Variants in XXYLT1 observed in about 807,000 individuals in gnomAD.
XXYLT1 encodes the protein xyloside xylosyltransferase 1.
A neutral mutation model predicts 28.9 loss-of-function variants in XXYLT1; 20 were observed. The ratio of observed to expected loss-of-function variants is 0.69; its 90% CI spans 0.49 to 1.00. XXYLT1 has a LOEUF of 1.00. XXYLT1 is among the 50% of genes least tolerant of loss of function. The pLI is 0.00. For missense variants in XXYLT1, 542 were observed against 560.1 expected (o/e 0.97, Z 0.33); for synonymous variants, 257 against 253.8 (o/e 1.01, Z -0.12).
At chr3:195,225,541 A>C (rs1456201067) in intron 2 of XXYLT1, among the ~76,000 whole-genome samples, 2 of 152,174 alleles carry the variant, frequency 1.3e-5, no homozygotes, top group African/African-American at 4.8e-5. Flanking sequence ...CCTGGTCTGG[A>C]AACTGCTGGA....
rs141602919 is a variant in XXYLT1, at chr3:195,250,474, G to T, written c.504+20081C>A. Among the ~76,000 whole-genome samples the T allele has an allele frequency of 5.0e-3, 762 of 151,294 alleles. 5 individuals carry two copies. The highest frequency in any genetic ancestry group is 0.018 in the African/African-American group (723 of 41,218). On this transcript the variant is annotated intron_variant, in intron 1 of 3. Transcript: ENST00000310380. Reference sequence around the variant, plus strand: ...AGCTACTTGGGAGGCTGAGGCCAGAGAATCACTTGAACCCAGGAGGCAGAG... The same window carrying T: ...AGCTACTTGGGAGGCTGAGGCCAGATAATCACTTGAACCCAGGAGGCAGAG...
rs116599681 is a variant in XXYLT1 at position 195,260,705 on chromosome 3, G to A, written c.504+9850C>T. Among the ~76,000 whole-genome samples the A allele has an allele frequency of 8.1e-3, 1,227 of 152,334 alleles. 24 individuals are homozygous for A. The highest frequency in any genetic ancestry group is 0.028 in the African/African-American group (1,176 of 41,560). Reference sequence around the variant, plus strand: ...CTATCACCTCCCTCAAACAGCAGAGGAGGTGCCTGGCTGCTTCTAAAGGCA... The same window carrying A: ...CTATCACCTCCCTCAAACAGCAGAGAAGGTGCCTGGCTGCTTCTAAAGGCA... On this transcript the variant is annotated intron_variant, in intron 1 of 3. Coordinates refer to ENST00000310380, the MANE Select transcript of XXYLT1 (RefSeq NM_152531.5).
chr3:195,147,463 G>C (rs938870079), intron 3 of XXYLT1, among the ~76,000 whole-genome samples: 5 of 152,156 alleles, frequency 3.3e-5, no homozygotes, highest in African/African-American at 1.2e-4. Flanking sequence ...TCAGCTACTT[G>C]GGAGGCTGAG....
At chr3:195,135,664 G>A (rs1297831471) in intron 3 of XXYLT1, among the ~76,000 whole-genome samples, 1 of 152,172 alleles carries the variant, frequency 6.6e-6, no homozygotes, top group Non-Finnish European at 1.5e-5. Flanking sequence ...AGCAGGATGG[G>A]GTTCCTGTGA....
rs1714692400 is a variant in XXYLT1, at chr3:195,069,811, G to T, written c.1086C>A (p.Asp362Glu). 5 of 1,614,060 alleles carry T rather than the reference G, an allele frequency of 3.1e-6. No individual in the cohort carries two copies. Among genetic ancestry groups the T allele is most frequent in the Admixed American group, 1.7e-5 (1 of 60,008 alleles). Residue 362 changes from aspartate to glutamate, a missense_variant, in exon 4 of 4, where the codon GAC becomes GAA. Physicochemically the swap from Asp to Glu is conservative, Grantham distance 45. Transcript: ENST00000310380. ...WNRQLCTWWRDHGYSDVFEAY... is the reference protein window; with the variant it reads ...WNRQLCTWWREHGYSDVFEAY... ...CCTCGAAGACGTCACTGTAGCCATG[G>T]TCCCTCCACCAGGTGCACAGCTGCC... is the stretch of plus-strand genomic sequence containing the variant.
At chr3:195,110,264 GGT>G (rs1334522035) in intron 3 of XXYLT1, among the ~76,000 whole-genome samples, 6 of 2,226 alleles carry the variant, frequency 2.7e-3, no homozygotes, top group East Asian at 0.014. Flanking sequence ...AGTGTGTGTG[GGT>G]GTGTGGTGTG....
At chr3:195,228,552 T>C (rs1724159314) in intron 1 of XXYLT1, among the ~76,000 whole-genome samples, 1 of 133,154 alleles carries the variant, frequency 7.5e-6, no homozygotes, top group South Asian at 2.4e-4. Flanking sequence ...AGTACAGGGG[T>C]GCAATCTGGG....
intron 2 of XXYLT1, among the ~76,000 whole-genome samples, chr3:195,188,749 C>G (rs1722304213): frequency 6.6e-6 from 1 of 152,216 alleles, no homozygotes; most frequent in Non-Finnish European, 1.5e-5. Context: ...ATCAGAGACT[C>G]TCAAGGTTGA....
Position 195,256,347 on chromosome 3 carries a change from T to C in XXYLT1, c.504+14208A>G, listed in dbSNP as rs936659365. 2.0e-5 allele frequency among the ~76,000 whole-genome samples: 3 copies of C among 152,170 alleles called. No homozygotes were observed. Among genetic ancestry groups the C allele is most frequent in the African/African-American group, 7.2e-5 (3 of 41,434 alleles). On this transcript the variant is annotated intron_variant, in intron 1 of 3. Coordinates refer to ENST00000310380, the MANE Select transcript of XXYLT1 (RefSeq NM_152531.5). This position sits in a 1 kb window ranked among gnomAD's most constrained non-coding sequence, Gnocchi z 4.2. The stretch of plus-strand genomic sequence containing the variant: ...CTGCGATGGTGGCAACTGTGGCTCA[T>C]TGACGGTGACGATAAACCTGAGACA...
chr3:195,201,855 G>A (rs181788341), intron 2 of XXYLT1, among the ~76,000 whole-genome samples: 23 of 152,180 alleles, frequency 1.5e-4, no homozygotes, highest in African/African-American at 4.1e-4. Flanking sequence ...CCCTCCATCC[G>A]CACAGGAAAC....
At chr3:195,106,759 A>T (rs1717117818) in intron 3 of XXYLT1, among the ~76,000 whole-genome samples, 1 of 152,236 alleles carries the variant, frequency 6.6e-6, no homozygotes, top group South Asian at 2.1e-4. Flanking sequence ...CACTGTCTTC[A>T]GCTGCCACCT....
intron 3 of XXYLT1, among the ~76,000 whole-genome samples, chr3:195,101,678 G>C (rs1055195005): frequency 6.6e-6 from 1 of 151,622 alleles, no homozygotes; most frequent in Non-Finnish European, 1.5e-5. Flanking sequence ...AAATACATCT[G>C]AGCCGGGTGC....
At chr3:195,118,607 G>A (rs1003949795) in intron 3 of XXYLT1, among the ~76,000 whole-genome samples, 1 of 152,216 alleles carries the variant, frequency 6.6e-6, no homozygotes, top group Non-Finnish European at 1.5e-5. Context: ...TCCAAGCTGG[G>A]GGAGAATGCA....
intron 1 of XXYLT1, among the ~76,000 whole-genome samples, chr3:195,244,922 T>C (rs1724953222): frequency 1.3e-5 from 2 of 149,090 alleles, no homozygotes; most frequent in Non-Finnish European, 3.0e-5. Flanking sequence ...TCCCAGCACT[T>C]TGGGAGGCCA....
chr3:195,136,765 G>A (rs373774269), intron 3 of XXYLT1, among the ~76,000 whole-genome samples: 72 of 152,186 alleles, frequency 4.7e-4, no homozygotes, highest in South Asian at 1.2e-3. Flanking sequence ...GAGCTGCCAG[G>A]AAGGCCACTG....
chr3:195,137,247 A>G (rs185974946), intron 3 of XXYLT1, among the ~76,000 whole-genome samples: 22 of 152,326 alleles, frequency 1.4e-4, no homozygotes, highest in Admixed American at 5.2e-4. Context: ...GGACAGGGGC[A>G]TTACAAACTG....
intron 3 of XXYLT1, among the ~76,000 whole-genome samples, chr3:195,118,376 G>A (rs1021749573): frequency 2.6e-5 from 4 of 152,042 alleles, no homozygotes; most frequent in Admixed American, 6.6e-5. Context: ...CCCATGGCCC[G>A]TGGCCACCAC....
intron 2 of XXYLT1, among the ~76,000 whole-genome samples, chr3:195,165,378 C>G (rs529414228): frequency 4.6e-5 from 7 of 152,162 alleles, no homozygotes; most frequent in Non-Finnish European, 1.0e-4. Flanking sequence ...CAAATAGGAC[C>G]AGGCAGAGAA....
chr3:195,088,024 C>G (rs952021264), intron 3 of XXYLT1, among the ~76,000 whole-genome samples: 1 of 151,998 alleles, frequency 6.6e-6, no homozygotes, highest in Admixed American at 6.5e-5. Flanking sequence ...GCACCTGGCT[C>G]GGAGGGTCCT....
Sources: allele counts gnomAD v4.1 joint callset (sites outside exome capture counted in the v4.1 genomes callset), GRCh38; gene constraint gnomAD v4.1.1; non-coding constraint Gnocchi (gnomAD v3.1); transcripts MANE v1.5; gene names NCBI Gene and HGNC (gene_info 2026-07-23, HGNC 2026-07-21).